Variants in TRABD2B observed in about 807,000 individuals in gnomAD.
TRABD2B encodes the protein metalloprotease TIKI2.
TRABD2B carries 14 observed loss-of-function variants against 40.1 expected under a neutral mutation model. That is an observed-to-expected ratio of 0.35 (90% CI 0.23 to 0.55). TRABD2B has a LOEUF of 0.55. TRABD2B is among the 20% of genes least tolerant of loss of function. The probability of loss-of-function intolerance (pLI) is 0.90; values close to 1 mark genes in which losing one functional copy is unlikely to be tolerated. For synonymous variants in TRABD2B, 263 were observed against 277.0 expected, an observed-to-expected ratio of 0.95 and a Z score of 0.50; for missense variants, 541 against 648.6, an observed-to-expected ratio of 0.83 and a Z score of 1.80.
chr1:47,954,783 TC>T (rs1645394864), intron 2 of TRABD2B, among the ~76,000 whole-genome samples: 1 of 152,154 alleles, frequency 6.6e-6, no homozygotes, highest in Admixed American at 6.5e-5. Context: ...GCTTCCTGCA[TC>T]TCTGGCCATG....
intron 4 of TRABD2B, among the ~76,000 whole-genome samples, chr1:47,782,209 A>G (rs1386857987): frequency 1.3e-5 from 2 of 152,146 alleles, no homozygotes; most frequent in Non-Finnish European, 2.9e-5. Flanking sequence ...TTGCGTCTCA[A>G]CCAGGCTCTG....
At chr1:47,911,972 T>C (rs377107513) in intron 2 of TRABD2B, among the ~76,000 whole-genome samples, 37 of 152,326 alleles carry the variant, frequency 2.4e-4, no homozygotes, top group African/African-American at 8.7e-4. Flanking sequence ...ATGTAATCAG[T>C]GTGGATCACG....
chr1:47,942,109 T>C (rs185716003), intron 2 of TRABD2B, among the ~76,000 whole-genome samples: 2 of 152,360 alleles, frequency 1.3e-5, no homozygotes, highest in Non-Finnish European at 2.9e-5. Flanking sequence ...CACCTGGTAC[T>C]GGGAGTAAAT....
At chr1:47,965,319 G>A (rs1216461983) in intron 2 of TRABD2B, among the ~76,000 whole-genome samples, 1 of 150,318 alleles carries the variant, frequency 6.7e-6, no homozygotes, top group Non-Finnish European at 1.5e-5. Context: ...ATTCAAAAGC[G>A]ACAGGGTGTC....
chr1:47,866,562 A>G (rs1417321445), intron 2 of TRABD2B, among the ~76,000 whole-genome samples: 3 of 152,176 alleles, frequency 2.0e-5, no homozygotes, highest in African/African-American at 7.2e-5. Context: ...CAGCCAGGGC[A>G]GCGCTCCCTG....
In TRABD2B at chr1:47,990,767, GGTTT is replaced by G. The variant is rs201148398; in HGVS notation, c.666+3263_666+3266del. On this transcript the variant is annotated intron_variant, in intron 2 of 6. Transcript: ENST00000606738. ...TACAAGTTGTTGGTTTTAAAACGTT[GGTTT>G]TATATATATATATATATATATATAT... Among the ~76,000 whole-genome samples the G allele has an allele frequency of 5.5e-3, 367 of 66,584 alleles. 3 individuals are homozygous for G. The highest frequency in any genetic ancestry group is 0.021 in the African/African-American group (348 of 16,558). The allele number at this position is 66,584 out of a possible 152,430, so 43.7% of individuals were successfully genotyped here. A position where few individuals can be genotyped will look rare whatever the true frequency, so the allele number is the denominator to read the frequency against.
chr1:47,887,333 A>G (rs1466311324), intron 2 of TRABD2B, among the ~76,000 whole-genome samples: 1 of 152,110 alleles, frequency 6.6e-6, no homozygotes, highest in Non-Finnish European at 1.5e-5. Flanking sequence ...GACTGACCCC[A>G]GAGGACCCTG....
intron 2 of TRABD2B, among the ~76,000 whole-genome samples, chr1:47,840,234 A>G (rs1342265296): frequency 6.6e-6 from 1 of 152,186 alleles, no homozygotes; most frequent in Non-Finnish European, 1.5e-5. Context: ...TCAGTCAACA[A>G]CTGATGGGCA....
chr1:47,961,701 A>T (rs1645518694), intron 2 of TRABD2B, among the ~76,000 whole-genome samples: 1 of 152,232 alleles, frequency 6.6e-6, no homozygotes, highest in African/African-American at 2.4e-5. Context: ...ATCATTAAAA[A>T]GTCAGGAAAC....
intron 2 of TRABD2B, among the ~76,000 whole-genome samples, chr1:47,916,422 G>A (rs1420481459): frequency 1.3e-5 from 2 of 152,198 alleles, no homozygotes; most frequent in African/African-American, 2.4e-5. Flanking sequence ...GGGACCAGGC[G>A]TGGGATGAGC....
chr1:47,952,131 G>A (rs188407878), intron 2 of TRABD2B, among the ~76,000 whole-genome samples: 145 of 152,258 alleles, frequency 9.5e-4, no homozygotes, highest in African/African-American at 3.2e-3. Flanking sequence ...TCACCTAAAG[G>A]AGCCAGGCAT....
intron 2 of TRABD2B, among the ~76,000 whole-genome samples, 155 bp downstream of exon 2, chr1:47,993,879 C>T (rs1263846792): frequency 6.6e-6 from 1 of 152,212 alleles, no homozygotes; most frequent in African/African-American, 2.4e-5. Flanking sequence ...CCAGAGCAGC[C>T]AGGTGCTGCC....
intron 2 of TRABD2B, among the ~76,000 whole-genome samples, chr1:47,890,052 T>C (rs867953320): frequency 1.3e-5 from 2 of 152,242 alleles, no homozygotes; most frequent in South Asian, 4.1e-4. Flanking sequence ...TGGCACAGGT[T>C]ACCCTGCCTG....
At chr1:47,844,257 T>A (rs1645437911) in intron 2 of TRABD2B, among the ~76,000 whole-genome samples, 1 of 152,216 alleles carries the variant, frequency 6.6e-6, no homozygotes, top group African/African-American at 2.4e-5. Context: ...ATAGGCCTTT[T>A]TCTCCCGGAG....
chr1:47,804,166 G>A (rs1644858980), intron 2 of TRABD2B, among the ~76,000 whole-genome samples: 1 of 152,220 alleles, frequency 6.6e-6, no homozygotes, highest in Admixed American at 6.5e-5. Context: ...GATGAGGTCA[G>A]CCCCCACCAC....
At chr1:47,905,449 G>T (rs994298612) in intron 2 of TRABD2B, among the ~76,000 whole-genome samples, 3 of 152,138 alleles carry the variant, frequency 2.0e-5, no homozygotes, top group Admixed American at 2.0e-4. Context: ...TCTGGTTGAG[G>T]TTCTCAGGGA....
chr1:47,794,080 T>C (rs1231928686), intron 4 of TRABD2B, among the ~76,000 whole-genome samples: 1 of 152,250 alleles, frequency 6.6e-6, no homozygotes, highest in African/African-American at 2.4e-5. Context: ...ATATTTTCAG[T>C]TCATCAAATA....
intron 2 of TRABD2B, among the ~76,000 whole-genome samples, chr1:47,851,123 T>C (rs1302958172): frequency 2.0e-5 from 3 of 152,152 alleles, no homozygotes; most frequent in African/African-American, 7.2e-5. Context: ...CCCTGTTCTA[T>C]ATGAATGTTC....
intron 2 of TRABD2B, among the ~76,000 whole-genome samples, chr1:47,975,408 T>C (rs550681162): frequency 3.1e-4 from 47 of 152,356 alleles, no homozygotes; most frequent in African/African-American, 1.1e-3. Flanking sequence ...GGGTTTAGCA[T>C]GATACTAGAA....
Sources: gnomAD v4.1 joint callset for allele counts (sites outside exome capture counted in the v4.1 genomes callset) on GRCh38, gnomAD v4.1.1 for gene constraint, MANE v1.5 for transcripts, NCBI Gene and HGNC (gene_info 2026-07-23, HGNC 2026-07-21) for gene names.